The following SEC61A1 variants were observed in gnomAD, a reference collection of about 807,000 sequenced individuals.
The protein encoded by SEC61A1 is protein transport protein Sec61 subunit alpha isoform 1.
In SEC61A1, 15 loss-of-function variants were observed where a neutral mutation model predicts 55.2. That is an observed-to-expected ratio of 0.27 (90% CI 0.18 to 0.42). The LOEUF is 0.42. Ranked by LOEUF, SEC61A1 falls within the 10% of genes least tolerant of loss-of-function variation. SEC61A1 has a pLI of 1.00. For missense variants in SEC61A1, 284 were observed against 602.6 expected (o/e 0.47, Z 5.53); for synonymous variants, 247 against 234.0 (o/e 1.06, Z -0.51).
At chr3:128,057,514 CT>C (rs1941789239) in intron 5 of SEC61A1, among the ~76,000 whole-genome samples, 1 of 152,220 alleles carries the variant, frequency 6.6e-6, no homozygotes, top group Non-Finnish European at 1.5e-5. Flanking sequence ...TAAATAATCA[CT>C]GTCACAATGC....
intron 1 of SEC61A1, 48 bp downstream of exon 1, chr3:128,052,607 C>G (rs751702074): frequency 8.2e-6 from 13 of 1,577,040 alleles, no homozygotes; most frequent in Non-Finnish European, 1.1e-5. Flanking sequence ...GAACAGATCC[C>G]CCTTCCCCAC....
At chr3:128,052,806 C>T (rs760195655) in intron 1 of SEC61A1, 29 bp from the exon 2 acceptor site, 3 of 1,599,908 alleles carry the variant, frequency 1.9e-6, no homozygotes, top group African/African-American at 1.3e-5. Context: ...TGTGTCCCAA[C>T]TCTTCCTGTT....
intron 5 of SEC61A1, among the ~76,000 whole-genome samples, chr3:128,057,297 T>C (rs1370026347): frequency 5.3e-5 from 8 of 152,214 alleles, no homozygotes; most frequent in African/African-American, 1.9e-4. Context: ...CTCCATGCCC[T>C]GTGTTAGCGT....
Position 128,065,035 on chromosome 3 carries a change from CA to C in SEC61A1, c.776del (p.Gln259ArgfsTer97). ...TGTCTTTGCAGTGGTCATCTATTTC[CA>C]GGTGTGTCCAGATCCAACCCCAGGG... ...IFVFAVVIYF[Q>X]GFRVDLPIKS... On this transcript the variant is annotated frameshift_variant and splice_region_variant, in exon 8 of 12. Coordinates refer to ENST00000243253, the MANE Select transcript of SEC61A1 (RefSeq NM_013336.4). LOFTEE classifies it high-confidence loss of function. 1 of 1,614,166 alleles carries C rather than the reference CA, an allele frequency of 6.2e-7. No individual in the cohort carries two copies. The highest frequency in any genetic ancestry group is 8.5e-7 in the Non-Finnish European group (1 of 1,180,010).
intron 5 of SEC61A1, among the ~76,000 whole-genome samples, chr3:128,057,370 G>A (rs922762744): frequency 6.6e-6 from 1 of 152,224 alleles, no homozygotes; most frequent in Non-Finnish European, 1.5e-5. Context: ...CAAGGCAGGG[G>A]AGAGTGTCTG....
At chr3:128,065,145 T>C in intron 8 of SEC61A1, 108 bp downstream of exon 8, 1 of 1,205,538 alleles carries the variant, frequency 8.3e-7, no homozygotes, top group Non-Finnish European at 1.2e-6. Flanking sequence ...CATATTGTGT[T>C]GAAACGATGA....
chr3:128,054,107 T>G (rs1941734227), intron 2 of SEC61A1, among the ~76,000 whole-genome samples: 1 of 152,186 alleles, frequency 6.6e-6, no homozygotes, highest in Non-Finnish European at 1.5e-5. Context: ...GACATGAGAA[T>G]GTCACTTTGG....
intron 7 of SEC61A1, among the ~76,000 whole-genome samples, chr3:128,064,383 G>A (rs891884330): frequency 1.3e-5 from 2 of 152,178 alleles, no homozygotes; most frequent in Non-Finnish European, 2.9e-5. Flanking sequence ...GCTCACACCT[G>A]TAATCCCAAC....
chr3:128,059,785 T>G (rs1027657976), intron 5 of SEC61A1, among the ~76,000 whole-genome samples: 4 of 152,124 alleles, frequency 2.6e-5, no homozygotes, highest in Non-Finnish European at 5.9e-5. Context: ...CAGGAGTAGG[T>G]TCTACTCCCT....
At chr3:128,065,136 A>AG (rs1491583044) in intron 8 of SEC61A1, 99 bp downstream of exon 8, 2 of 1,277,132 alleles carry the variant, frequency 1.6e-6, no homozygotes, top group Admixed American at 3.4e-5. Flanking sequence ...CACTGTCATC[A>AG]TATTGTGTTG....
chr3:128,065,220 C>T, intron 8 of SEC61A1, 183 bp downstream of exon 8: 1 of 725,086 alleles, frequency 1.4e-6, no homozygotes, highest in Admixed American at 2.1e-5. Context: ...AGTCATGGGA[C>T]CTGCCATTAA....
rs979172406 is a variant in SEC61A1 at position 128,056,601 on chromosome 3, T to C, written c.221-108T>C. ...AACACAGCTAGGAAACTGAAACACA[T>C]TGGTTTTATATAAGGGGTACCCAGT... On this transcript the variant is annotated intron_variant, in intron 4 of 11. Coordinates refer to ENST00000243253, the MANE Select transcript of SEC61A1 (RefSeq NM_013336.4). 94 of 935,614 alleles carry C rather than the reference T, an allele frequency of 1.0e-4. 1 individual carries two copies. The highest frequency in any genetic ancestry group is 2.6e-4 in the Admixed American group (9 of 34,948). 58.0% of individuals were successfully genotyped at this position (935,614 alleles called of 1,614,324 possible).
chr3:128,052,504 G>A lies in SEC61A1; in HGVS notation c.-49G>A. The A allele has an allele frequency of 6.3e-7, 1 of 1,579,994 alleles. No homozygotes were observed. The highest frequency in any genetic ancestry group is 8.6e-7 in the Non-Finnish European group (1 of 1,164,490). On this transcript the variant is annotated 5_prime_UTR_variant, in exon 1 of 12. Transcript: ENST00000243253. ...GGCCGCGGGCAGCGTCGCCTCACGC[G>A]GAGCAGAGCTGAGCTGAAGCGGGAC...
chr3:128,053,614 C>T (rs1941724296), intron 2 of SEC61A1, among the ~76,000 whole-genome samples: 2 of 152,254 alleles, frequency 1.3e-5, no homozygotes, highest in South Asian at 4.1e-4. Context: ...CACATGGACA[C>T]TTGGGTGCTT....
In SEC61A1 at chr3:128,063,832, G is replaced by GT. The variant is rs1426220004; in HGVS notation, c.617-1039dup. 6.6e-5 allele frequency among the ~76,000 whole-genome samples: 10 copies of GT among 152,256 alleles called. No homozygotes were observed. In the South Asian group the frequency reaches 1.2e-3, roughly 19 times the overall value. On this transcript the variant is annotated intron_variant, in intron 7 of 11. Coordinates refer to ENST00000243253, the MANE Select transcript of SEC61A1 (RefSeq NM_013336.4). ...ACTTGTTTCTTTTTTTCGCTTTTTA[G>GT]TTTTTTAACGTAAGTAAATTTCTTG...
chr3:128,069,394 A>G, intron 11 of SEC61A1, 82 bp from the exon 12 acceptor site: 1 of 1,342,944 alleles, frequency 7.4e-7, no homozygotes, highest in Non-Finnish European at 1.0e-6. Context: ...TTAGGTCCCA[A>G]AGTCTCAGGT....
At chr3:128,066,731 T>G in intron 8 of SEC61A1, 3 of 572,978 alleles carry the variant, frequency 5.2e-6, no homozygotes, top group Admixed American at 3.2e-5. Context: ...GCCTTCAGTG[T>G]ATTTTTAAAC....
Position 128,060,231 on chromosome 3 carries a change from C to T in SEC61A1, c.462+20C>T, listed in dbSNP as rs758108253. 6.5e-7 allele frequency: 1 copy of T among 1,542,668 alleles called. No homozygotes were observed. The highest frequency in any genetic ancestry group is 9.0e-7 in the Non-Finnish European group (1 of 1,114,766). On this transcript the variant is annotated intron_variant, in intron 6 of 11. Transcript: ENST00000243253. ...ATTCAGGTAATTATTATGCTAACAT[C>T]TCCCTTTGAGTAGCCCCTCACACTT...
chr3:128,064,314 T>C (rs1293009407), intron 7 of SEC61A1, among the ~76,000 whole-genome samples: 9 of 119,804 alleles, frequency 7.5e-5, no homozygotes, highest in Admixed American at 6.7e-4. Context: ...CACTGACTCA[T>C]GTGCCTAAGA....
Sources: allele counts gnomAD v4.1 joint callset (sites outside exome capture counted in the v4.1 genomes callset), GRCh38; gene constraint gnomAD v4.1.1; transcripts MANE v1.5; gene names NCBI Gene and HGNC (gene_info 2026-07-23, HGNC 2026-07-21).